Variants in NBEA observed in about 807,000 individuals in gnomAD.
The protein encoded by NBEA is neurobeachin.
A neutral mutation model predicts 343.4 loss-of-function variants in NBEA; 44 were observed. The observed-to-expected ratio is 0.13, with a 90% CI of 0.10 to 0.16. The LOEUF is 0.16. Among genes scored for constraint, NBEA ranks in the 10% least tolerant of loss-of-function variants. The pLI, the probability that NBEA is intolerant of heterozygous loss-of-function variation, is 1.00. For synonymous variants in NBEA, 1,175 were observed against 1,238.7 expected (o/e 0.95, Z 1.08); for missense variants, 2,555 against 3,631.3 (o/e 0.70, Z 7.62).
At chr13:35,074,915 A>G (rs970391156) in intron 10 of NBEA, among the ~76,000 whole-genome samples, 2 of 152,040 alleles carry the variant, frequency 1.3e-5, no homozygotes, top group Non-Finnish European at 2.9e-5. Flanking sequence ...TACTCGTTCA[A>G]CCTACATATC....
At chr13:35,630,549 G>T (rs1387548868) in intron 49 of NBEA, among the ~76,000 whole-genome samples, 1 of 152,080 alleles carries the variant, frequency 6.6e-6, no homozygotes, top group South Asian at 2.1e-4. Context: ...TCAGGACTCT[G>T]TCTCCTTTCA....
rs60362511 is a variant in NBEA, at chr13:35,429,800, CGTGTGT to C, written c.6180-2440_6180-2435del. Among the ~76,000 whole-genome samples, 233 of 140,270 alleles carry C rather than the reference CGTGTGT, an allele frequency of 1.7e-3. 2 individuals carry two copies. The highest frequency in any genetic ancestry group is 5.2e-3 in the African/African-American group (192 of 36,874). The allele number at this position is 140,270 out of a possible 152,430, so 92.0% of individuals were successfully genotyped here. On this transcript the variant is annotated intron_variant, in intron 38 of 58. Transcript: ENST00000379939. Reference sequence around the variant, plus strand: ...CCCACCCTTTCCCCTGAGTCCCCAACGTGTGTGTGTGTGTGTGTGTGTGTGTGTGTG... The same window carrying C: ...CCCACCCTTTCCCCTGAGTCCCCAACGTGTGTGTGTGTGTGTGTGTGTGTG...
In NBEA at chr13:35,308,470, ATATG is replaced by A. The variant is rs1281372482; in HGVS notation, c.5839-1054_5839-1051del. Among the ~76,000 whole-genome samples the A allele has an allele frequency of 4.7e-3, 484 of 103,028 alleles. 6 individuals carry two copies. Among genetic ancestry groups the A allele is most frequent in the East Asian group, 0.014 (51 of 3,534 alleles). The allele number at this position is 103,028 out of a possible 152,430, so 67.6% of individuals were successfully genotyped here. Reference sequence around the variant, plus strand: ...TATATATATATATATATATATATATATATGTATATATATATGTGTATATATATGT... The same window carrying A: ...TATATATATATATATATATATATATATATATATATATGTGTATATATATGT... On this transcript the variant is annotated intron_variant, in intron 35 of 58. Coordinates refer to ENST00000379939, the MANE Select transcript of NBEA (RefSeq NM_001385012.1).
intron 25 of NBEA, 99 bp downstream of exon 25, chr13:35,169,094 A>G: frequency 1.1e-6 from 1 of 882,562 alleles, no homozygotes; most frequent in African/African-American, 1.7e-5. Flanking sequence ...GAGTTTTCAT[A>G]TCATCTTTAA....
intron 38 of NBEA, among the ~76,000 whole-genome samples, chr13:35,414,745 C>T (rs2043801010): frequency 6.6e-6 from 1 of 152,128 alleles, no homozygotes; most frequent in Non-Finnish European, 1.5e-5. Flanking sequence ...GGAATATGCC[C>T]AGTAATGGGA....
intron 38 of NBEA, among the ~76,000 whole-genome samples, chr13:35,429,922 A>G (rs1326230766): frequency 6.6e-6 from 1 of 152,028 alleles, no homozygotes; most frequent in African/African-American, 2.4e-5. Context: ...TGCTATAAAC[A>G]TGCATGTGCA....
At chr13:35,069,424 T>C (rs934631355) in intron 8 of NBEA, among the ~76,000 whole-genome samples, 1 of 152,120 alleles carries the variant, frequency 6.6e-6, no homozygotes, top group Non-Finnish European at 1.5e-5. Flanking sequence ...TTGAGTAGCA[T>C]TGGTATTTCA....
chr13:35,545,099 A>T (rs1252244200), intron 41 of NBEA, among the ~76,000 whole-genome samples: 2 of 152,204 alleles, frequency 1.3e-5, no homozygotes, highest in African/African-American at 2.4e-5. Context: ...CCTTAAACTT[A>T]TAGAAAATTA....
intron 41 of NBEA, among the ~76,000 whole-genome samples, chr13:35,546,622 G>A (rs961589522): frequency 1.8e-4 from 27 of 150,548 alleles, no homozygotes; most frequent in Non-Finnish European, 2.7e-4. Flanking sequence ...GCATGATCTC[G>A]GCTCACTACA....
chr13:35,245,209 T>C (rs936606680), intron 34 of NBEA, among the ~76,000 whole-genome samples: 3 of 152,296 alleles, frequency 2.0e-5, no homozygotes, highest in East Asian at 1.9e-4. Flanking sequence ...GTGAGTCTTT[T>C]AAAGGCAGCA....
intron 8 of NBEA, among the ~76,000 whole-genome samples, chr13:35,063,062 A>G (rs1023312423): frequency 6.6e-6 from 1 of 152,020 alleles, no homozygotes; most frequent in African/African-American, 2.4e-5. Flanking sequence ...CCCACAGCAT[A>G]TGTTGTAGAC....
intron 35 of NBEA, among the ~76,000 whole-genome samples, chr13:35,291,342 T>C (rs1365757446): frequency 2.6e-5 from 4 of 151,896 alleles, no homozygotes; most frequent in Non-Finnish European, 4.4e-5. Flanking sequence ...TGCTTTCAAG[T>C]GATCCTCTAA....
intron 36 of NBEA, among the ~76,000 whole-genome samples, chr13:35,339,688 G>T (rs1290089802): frequency 6.6e-6 from 1 of 152,064 alleles, no homozygotes; most frequent in Non-Finnish European, 1.5e-5. Flanking sequence ...AACAATCGTG[G>T]CAGAAGGTGA....
chr13:34,947,839 C>T (rs2059233371), intron 1 of NBEA, among the ~76,000 whole-genome samples: 2 of 152,146 alleles, frequency 1.3e-5, no homozygotes, highest in Non-Finnish European at 2.9e-5. Context: ...AAAGTCAACT[C>T]ATATAAACTT....
rs2059079675 is a variant in NBEA at position 34,943,062 on chromosome 13, T to C, written c.242T>C (p.Ile81Thr). 1.2e-6 allele frequency: 2 copies of C among 1,613,674 alleles called. No individual in the cohort carries two copies. The highest frequency in any genetic ancestry group is 1.1e-5 in the South Asian group (1 of 91,072). ...AAATTCGCAGTGTTGATTGGACTCA[T>C]ACAGGTCGGAGAGGTCAGCAACAGG... Reference protein sequence around the residue: ...RMKFAVLIGLIQVGEVSNRDI... With the variant: ...RMKFAVLIGLTQVGEVSNRDI... Residue 81 changes from isoleucine to threonine, a missense_variant, in exon 1 of 59, where the codon ATA becomes ACA. By Grantham distance (89) the Ile-to-Thr change is moderately conservative. Around this residue, in one of 21 missense-constraint regions of NBEA, gnomAD observed 185 missense variants for 290.6 expected, o/e 0.64. Coordinates refer to ENST00000379939, the MANE Select transcript of NBEA (RefSeq NM_001385012.1).
chr13:35,080,031 G>T (rs1360390309), intron 10 of NBEA, among the ~76,000 whole-genome samples: 1 of 152,066 alleles, frequency 6.6e-6, no homozygotes, highest in South Asian at 2.1e-4. Context: ...TATTTCTGAA[G>T]TATGGGTACA....
chr13:35,059,722 T>G (rs554505856), intron 8 of NBEA, among the ~76,000 whole-genome samples: 1 of 149,556 alleles, frequency 6.7e-6, no homozygotes, highest in African/African-American at 2.4e-5. Context: ...TATTTTTGCA[T>G]TGGTATTTCT....
chr13:35,587,048 C>A (rs754875916), intron 46 of NBEA, among the ~76,000 whole-genome samples: 1 of 152,136 alleles, frequency 6.6e-6, no homozygotes, highest in African/African-American at 2.4e-5. Flanking sequence ...ATTCGCTGAT[C>A]ACCAAATGAT....
chr13:35,080,205 C>T (rs1410348650), intron 10 of NBEA, among the ~76,000 whole-genome samples: 4 of 152,068 alleles, frequency 2.6e-5, no homozygotes, highest in South Asian at 2.1e-4. Context: ...ATATCCAGAA[C>T]ATGCAGGTAA....
Sources: gnomAD v4.1 joint callset for allele counts (sites outside exome capture counted in the v4.1 genomes callset) on GRCh38, gnomAD v4.1.1 for gene constraint, gnomAD v4.1.1 regional missense constraint, MANE v1.5 for transcripts, NCBI Gene and HGNC (gene_info 2026-07-23, HGNC 2026-07-21) for gene names.